SPMIP2: variants seen among roughly 807,000 people sequenced by gnomAD.
SPMIP2 encodes the protein sperm microtubule inner protein 2.
the SPMIP2 span, among the ~76,000 whole-genome samples, chr4:158,989,908 T>C: frequency 1.3e-5 from 2 of 152,148 alleles, no homozygotes; most frequent in Non-Finnish European, 2.9e-5. Context: ...AAAGAGCTTC[T>C]GCACAGCAAA....
the SPMIP2 span, among the ~76,000 whole-genome samples, chr4:159,034,580 A>G: frequency 6.6e-6 from 1 of 152,246 alleles, no homozygotes; most frequent in Non-Finnish European, 1.5e-5. Flanking sequence ...ATAATGAGAT[A>G]GCAGTATCAT....
At chr4:159,075,854 T>C in the SPMIP2 span, among the ~76,000 whole-genome samples, 3 of 152,034 alleles carry the variant, frequency 2.0e-5, no homozygotes, top group Admixed American at 6.6e-5. Context: ...CAGTTTACAG[T>C]GATGAACATC....
the SPMIP2 span, among the ~76,000 whole-genome samples, chr4:158,929,480 T>C: frequency 1.3e-5 from 2 of 152,256 alleles, no homozygotes; most frequent in African/African-American, 2.4e-5. Context: ...GTGGTAGATA[T>C]TTTCTATCAT....
chr4:158,899,927 A>C, the SPMIP2 span, among the ~76,000 whole-genome samples: 1 of 151,892 alleles, frequency 6.6e-6, no homozygotes, highest in Non-Finnish European at 1.5e-5. Context: ...TAGTTCTTTT[A>C]ATTGTGATGT....
At chr4:158,944,613 A>G in the SPMIP2 span, among the ~76,000 whole-genome samples, 4 of 152,122 alleles carry the variant, frequency 2.6e-5, no homozygotes, top group South Asian at 8.3e-4. Flanking sequence ...GTCACTGGTG[A>G]TCCCACAGAA....
At chr4:158,950,095 G>A in the SPMIP2 span, among the ~76,000 whole-genome samples, 4 of 152,180 alleles carry the variant, frequency 2.6e-5, no homozygotes, top group African/African-American at 9.7e-5. Flanking sequence ...GCAGTGTTCC[G>A]TAAGTGTTCC....
chr4:158,971,860 A>G, the SPMIP2 span, among the ~76,000 whole-genome samples: 1 of 152,194 alleles, frequency 6.6e-6, no homozygotes, highest in Non-Finnish European at 1.5e-5. Context: ...AAGGCCATAC[A>G]CAGCTAGTAG....
At chr4:159,011,342 C>T in the SPMIP2 span, among the ~76,000 whole-genome samples, 1 of 152,146 alleles carries the variant, frequency 6.6e-6, no homozygotes, top group Non-Finnish European at 1.5e-5. Context: ...TAATTAAAAG[C>T]TTTTATCATG....
At chr4:158,946,956 A>G in the SPMIP2 span, among the ~76,000 whole-genome samples, 1 of 152,174 alleles carries the variant, frequency 6.6e-6, no homozygotes, top group Non-Finnish European at 1.5e-5. Context: ...CTTTGTGGCT[A>G]CAGGGGTAAC....
At chr4:158,944,099 C>A in the SPMIP2 span, among the ~76,000 whole-genome samples, 2 of 152,030 alleles carry the variant, frequency 1.3e-5, no homozygotes, top group Admixed American at 6.6e-5. Context: ...TGTGATGCAA[C>A]CACCTTGGCC....
the SPMIP2 span, among the ~76,000 whole-genome samples, chr4:158,916,056 C>G: frequency 6.6e-6 from 1 of 152,336 alleles, no homozygotes; most frequent in South Asian, 2.1e-4. Context: ...GCAAAGTTCT[C>G]TTTCTAGAAT....
At chr4:158,935,677 CATT>C in the SPMIP2 span, among the ~76,000 whole-genome samples, 1 of 152,174 alleles carries the variant, frequency 6.6e-6, no homozygotes, top group African/African-American at 2.4e-5. Flanking sequence ...TTTCCTTAAA[CATT>C]GTTGGTTATT....
chr4:158,977,037 G>C, the SPMIP2 span, among the ~76,000 whole-genome samples: 147,723 of 152,222 alleles, frequency 0.97, 71,830 homozygotes, highest in East Asian at 1. Context: ...GTTCATCAGG[G>C]ATATTGGCCT....
chr4:158,953,901 G>A, the SPMIP2 span, among the ~76,000 whole-genome samples: 2 of 152,324 alleles, frequency 1.3e-5, no homozygotes, highest in African/African-American at 4.8e-5. Flanking sequence ...TTGAACAGCT[G>A]TATTTACCCA....
At chr4:158,895,879 A>C in the SPMIP2 span, 2 of 1,571,932 alleles carry the variant, frequency 1.3e-6, no homozygotes, top group Non-Finnish European at 1.7e-6. Context: ...AGTTCTGTGA[A>C]GTGCCGTCAC....
chr4:158,996,576 C>G, the SPMIP2 span, among the ~76,000 whole-genome samples: 1 of 152,086 alleles, frequency 6.6e-6, no homozygotes, highest in East Asian at 1.9e-4. Flanking sequence ...AAAATTATGT[C>G]CCATAATAAG....
chr4:158,896,847 T>TA, the SPMIP2 span, among the ~76,000 whole-genome samples: 3 of 151,796 alleles, frequency 2.0e-5, no homozygotes, highest in Non-Finnish European at 4.4e-5. Flanking sequence ...ATTAGTTTTT[T>TA]TTTTATTATT....
chr4:159,020,963 G>T, the SPMIP2 span, among the ~76,000 whole-genome samples: 6 of 152,092 alleles, frequency 3.9e-5, no homozygotes, highest in Admixed American at 2.6e-4. Context: ...GGGTTTCACC[G>T]TATTAGCCAG....
chr4:159,006,364 A>G, the SPMIP2 span, among the ~76,000 whole-genome samples: 20 of 152,350 alleles, frequency 1.3e-4, no homozygotes, highest in Non-Finnish European at 2.5e-4. Flanking sequence ...TTTACGCGAG[A>G]TGAAAAGCTA....
Sources: allele counts gnomAD v4.1 joint callset (sites outside exome capture counted in the v4.1 genomes callset), GRCh38; gene constraint gnomAD v4.1.1; transcripts MANE v1.5; gene names NCBI Gene and HGNC (gene_info 2026-07-23, HGNC 2026-07-21).